ABCA12: variants seen among roughly 807,000 people sequenced by gnomAD.
ABCA12 encodes glucosylceramide transporter ABCA12.
A neutral mutation model predicts 293.5 loss-of-function variants in ABCA12; 156 were observed. The observed-to-expected ratio is 0.53, with a 90% CI of 0.47 to 0.61. ABCA12 has a LOEUF of 0.61. ABCA12 is among the 20% of genes least tolerant of loss of function. The pLI, the probability that ABCA12 is intolerant of heterozygous loss-of-function variation, is 0.00. For synonymous variants in ABCA12, 1,063 were observed against 1,108.0 expected, an observed-to-expected ratio of 0.96 and a Z score of 0.81; for missense variants, 2,797 against 3,090.2, an observed-to-expected ratio of 0.91 and a Z score of 2.25.
intron 2 of ABCA12, among the ~76,000 whole-genome samples, chr2:215,103,476 G>C (rs1413551596): frequency 1.3e-5 from 2 of 151,648 alleles, no homozygotes; most frequent in East Asian, 3.9e-4. Flanking sequence ...CACCATGTTG[G>C]CCAGGCTGGT....
At chr2:214,970,434 G>T in intron 36 of ABCA12, 34 bp from the exon 37 acceptor site, 2 of 1,611,360 alleles carry the variant, frequency 1.2e-6, no homozygotes, top group South Asian at 2.2e-5. Flanking sequence ...ATTTTTTTCT[G>T]GCCAATGCTG....
At chr2:215,118,353 G>A (rs1290688631) in intron 1 of ABCA12, among the ~76,000 whole-genome samples, 1 of 152,122 alleles carries the variant, frequency 6.6e-6, no homozygotes. Context: ...AGCGAGCCGA[G>A]ATCTTGCCAC....
chr2:214,960,126 A>G (rs944656588), intron 39 of ABCA12, among the ~76,000 whole-genome samples: 3 of 152,164 alleles, frequency 2.0e-5, no homozygotes, highest in Non-Finnish European at 2.9e-5. Context: ...AGTAGAATGT[A>G]ACATCCTTTG....
chr2:214,959,179 T>G, intron 39 of ABCA12, 101 bp from the exon 40 acceptor site: 1 of 1,052,494 alleles, frequency 9.5e-7, no homozygotes, highest in South Asian at 1.4e-5. Context: ...TATATTATTA[T>G]CTAAACAATT....
intron 1 of ABCA12, among the ~76,000 whole-genome samples, chr2:215,134,642 C>T (rs1474806338): frequency 9.5e-6 from 1 of 104,750 alleles, no homozygotes; most frequent in African/African-American, 5.8e-5. Flanking sequence ...GAGAGAGAGA[C>T]AAACAGAGAG....
chr2:214,978,434 T>C lies in ABCA12; in HGVS notation c.5010A>G (p.Lys1670=). The C allele has an allele frequency of 1.9e-6, 3 of 1,613,738 alleles. No individual in the cohort carries two copies. The highest frequency in any genetic ancestry group is 2.5e-6 in the Non-Finnish European group (3 of 1,179,784). ...AGTGCTCAAGACTCATAGCACTATT[T>C]TTTTGTGACTCTTTGGTCAAGTTCA... The part of the protein sequence containing the change: ...VFLNLTKESQ[K]NSAMSLEHLT... Residue 1670 remains lysine, a synonymous_variant, in exon 33 of 53, where the codon AAA becomes AAG. Transcript: ENST00000272895.
chr2:214,961,268 A>G (rs1699105747), intron 39 of ABCA12, among the ~76,000 whole-genome samples: 1 of 152,148 alleles, frequency 6.6e-6, no homozygotes, highest in Non-Finnish European at 1.5e-5. Flanking sequence ...GCTAGAAGAC[A>G]TACTATTACT....
intron 36 of ABCA12, among the ~76,000 whole-genome samples, chr2:214,972,452 A>T (rs1699406847): frequency 1.3e-5 from 2 of 152,324 alleles, no homozygotes; most frequent in South Asian, 4.1e-4. Context: ...TCTGTCACCC[A>T]GGCTGGAGTG....
intron 1 of ABCA12, among the ~76,000 whole-genome samples, chr2:215,115,640 T>C (rs1400261635): frequency 1.3e-5 from 2 of 152,322 alleles, no homozygotes; most frequent in South Asian, 2.1e-4. Context: ...CACTAAATAG[T>C]TTATGATTCC....
At chr2:215,052,464 A>G (rs1177744921) in intron 5 of ABCA12, 23 bp downstream of exon 5, 16 of 1,592,544 alleles carry the variant, frequency 1.0e-5, no homozygotes, top group Non-Finnish European at 1.4e-5. Flanking sequence ...CACTCTACCC[A>G]TTACAAAATT....
Position 215,026,762 on chromosome 2 carries a change from A to G in ABCA12, c.1180+58T>C, listed in dbSNP as rs182079849. On this transcript the variant is annotated intron_variant, in intron 10 of 52. Coordinates refer to ENST00000272895, the MANE Select transcript of ABCA12 (RefSeq NM_173076.3). The stretch of plus-strand genomic sequence containing the variant: ...TAAGCAAATGCCTCAAAAACTCACT[A>G]CTTTAGAACAGAGGTAGAAACCATG... The G allele has an allele frequency of 4.1e-4, 578 of 1,416,698 alleles. 3 individuals carry two copies. The highest frequency in any genetic ancestry group is 1.3e-4 in the Non-Finnish European group (132 of 1,001,142). The allele number at this position is 1,416,698 out of a possible 1,614,324, so 87.8% of individuals were successfully genotyped here.
chr2:215,064,352 T>C (rs1701597536), intron 2 of ABCA12, 133 bp from the exon 3 acceptor site: 2 of 854,708 alleles, frequency 2.3e-6, no homozygotes, highest in Non-Finnish European at 1.9e-6. Context: ...GAGCCCCAAC[T>C]CTGCAACTAA....
At chr2:215,107,308 C>A (rs1284011224) in intron 2 of ABCA12, among the ~76,000 whole-genome samples, 2 of 152,170 alleles carry the variant, frequency 1.3e-5, no homozygotes, top group African/African-American at 4.8e-5. Flanking sequence ...GAGATTTGTG[C>A]TGTTTTGTTG....
Position 214,980,649 on chromosome 2 carries a change from A to AAAT in ABCA12, c.4580-9_4580-7dup, listed in dbSNP as rs749367263. ...TGACAGAATGATTGTTCTGGCTTGA[A>AAAT]AATACAGACAAGAACAACAGGGAAT... On this transcript the variant is annotated splice_polypyrimidine_tract_variant and splice_region_variant and intron_variant, in intron 30 of 52. Transcript: ENST00000272895. The AAAT allele has an allele frequency of 6.2e-7, 1 of 1,614,086 alleles. No individual in the cohort carries two copies. The highest frequency in any genetic ancestry group is 2.2e-5 in the East Asian group (1 of 44,878).
intron 50 of ABCA12, among the ~76,000 whole-genome samples, chr2:214,940,216 G>C (rs539591882): frequency 4.6e-5 from 7 of 152,296 alleles, no homozygotes; most frequent in South Asian, 4.1e-4. Flanking sequence ...CATCTATTGA[G>C]ATAATCATGT....
At chr2:215,091,318 C>T (rs1303394415) in intron 2 of ABCA12, among the ~76,000 whole-genome samples, 1 of 152,168 alleles carries the variant, frequency 6.6e-6, no homozygotes, top group Non-Finnish European at 1.5e-5. Flanking sequence ...CTCCCCTCCT[C>T]ACACCTGGTC....
At chr2:215,063,923 G>C in intron 3 of ABCA12, 143 bp downstream of exon 3, 2 of 1,012,066 alleles carry the variant, frequency 2.0e-6, no homozygotes, top group Non-Finnish European at 3.1e-6. Context: ...TACCTACTTT[G>C]TTATTTCATA....
intron 18 of ABCA12, 101 bp from the exon 19 acceptor site, chr2:215,007,947 G>C (rs1700290426): frequency 6.8e-7 from 1 of 1,460,352 alleles, no homozygotes; most frequent in Admixed American, 1.8e-5. Flanking sequence ...TCAAAAGACA[G>C]TTCTAAAACA....
At chr2:215,137,475 C>G (rs745583840) in intron 1 of ABCA12, among the ~76,000 whole-genome samples, 2 of 152,164 alleles carry the variant, frequency 1.3e-5, no homozygotes, top group Non-Finnish European at 2.9e-5. Flanking sequence ...TAATAGCTAA[C>G]TTTGTAATTA....
Sources: allele counts gnomAD v4.1 joint callset (sites outside exome capture counted in the v4.1 genomes callset), GRCh38; gene constraint gnomAD v4.1.1; transcripts MANE v1.5; gene names NCBI Gene and HGNC (gene_info 2026-07-23, HGNC 2026-07-21).